The following PTPRU variants were observed in gnomAD, a reference collection of about 807,000 sequenced individuals.
PTPRU encodes the protein receptor-type tyrosine-protein phosphatase U.
In PTPRU, 69 loss-of-function variants were observed where a neutral mutation model predicts 166.3. That is an observed-to-expected ratio of 0.41 (90% confidence interval 0.34 to 0.51). The LOEUF (loss-of-function observed/expected upper bound fraction) is 0.51. PTPRU is among the 20% of genes least tolerant of loss of function. The probability of loss-of-function intolerance (pLI) is 0.09; values close to 1 mark genes in which losing one functional copy is unlikely to be tolerated. For synonymous variants in PTPRU, 793 were observed against 814.0 expected (o/e 0.97, Z 0.44); for missense variants, 1,657 against 2,013.7 (o/e 0.82, Z 3.39).
At chr1:29,259,200 C>A in intron 3 of PTPRU, 61 bp from the exon 4 acceptor site, 1 of 1,520,098 alleles carries the variant, frequency 6.6e-7, no homozygotes, top group Non-Finnish European at 9.0e-7. Flanking sequence ...TGAAAGTGGG[C>A]ACCTCCCCAG....
chr1:29,304,434 C>T (rs1687287365), intron 16 of PTPRU, among the ~76,000 whole-genome samples: 1 of 152,198 alleles, frequency 6.6e-6, no homozygotes, highest in Admixed American at 6.5e-5. Context: ...TCTGTCTGGA[C>T]TCTGACATCA....
In PTPRU at chr1:29,297,145, C is replaced by T. The variant is rs560969374; in HGVS notation, c.2476+5119C>T. On this transcript the variant is annotated intron_variant, in intron 15 of 29. Transcript: ENST00000373779. ...CCTGGCTCACTGCAACCCTCTGCCT[C>T]CCGGGTTCAAGTGATTCTCCTGCCT... Among the ~76,000 whole-genome samples, 3 of 150,308 alleles carry T rather than the reference C, an allele frequency of 2.0e-5. No homozygotes were observed. In the South Asian group the frequency reaches 6.3e-4, roughly 32 times the overall value.
Position 29,325,289 on chromosome 1 carries a change from C to T in PTPRU, c.4211C>T (p.Thr1404Ile). The part of the protein sequence containing the change: ...NLVDVFFAAK[T>I]LRNYKPNMVE... ...GTGGACGTTTTCTTTGCTGCCAAAACCCTCCGGAACTACAAACCCAACATG... is the reference window on the plus strand; with the variant it reads ...GTGGACGTTTTCTTTGCTGCCAAAATCCTCCGGAACTACAAACCCAACATG... The change falls in exon 29 of 30, where the codon ACC (threonine) becomes ATC (isoleucine). Residue 1404 changes from threonine (T) to isoleucine (I), a missense_variant. By Grantham distance (89) the Thr-to-Ile change is moderately conservative (BLOSUM62 -1). Around this residue, in one of 3 missense-constraint regions of PTPRU, gnomAD observed 1,190 missense variants for 1,477.4 expected, o/e 0.81. Transcript: ENST00000373779. The T allele has an allele frequency of 1.2e-6, 2 of 1,614,196 alleles. No homozygotes were observed. Among genetic ancestry groups the T allele is most frequent in the South Asian group, 1.1e-5 (1 of 91,086 alleles).
intron 15 of PTPRU, among the ~76,000 whole-genome samples, chr1:29,293,372 G>A (rs988900726): frequency 1.3e-5 from 2 of 152,068 alleles, no homozygotes; most frequent in African/African-American, 2.4e-5. Context: ...TGATCTGTCC[G>A]CCTCAGCCTC....
chr1:29,279,379 G>A lies in PTPRU; in HGVS notation c.1564-77G>A, dbSNP rs2151952601. 6.8e-7 allele frequency: 1 copy of A among 1,470,188 alleles called. No individual in the cohort carries two copies. The highest frequency in any genetic ancestry group is 9.5e-7 in the Non-Finnish European group (1 of 1,052,306). The allele number at this position is 1,470,188 out of a possible 1,614,324, so 91.1% of individuals were successfully genotyped here. A position where few individuals can be genotyped will look rare whatever the true frequency, so the allele number is the denominator to read the frequency against. The stretch of plus-strand genomic sequence containing the variant: ...TTAGCCTTATCTCTCACTTCCCTGG[G>A]ACATGGTGGGTGGAGGCTGCTGGTC... On this transcript the variant is annotated intron_variant, in intron 9 of 29. Coordinates refer to ENST00000373779, the MANE Select transcript of PTPRU (RefSeq NM_133178.4). This position sits in a 1 kb window ranked among gnomAD's most constrained non-coding sequence, Gnocchi z 5.2.
chr1:29,292,882 C>T (rs1257518327), intron 15 of PTPRU, among the ~76,000 whole-genome samples: 1 of 146,308 alleles, frequency 6.8e-6, no homozygotes, highest in Non-Finnish European at 1.5e-5. Context: ...GTGGCATGAT[C>T]TCGGCTCACT....
rs892231562 is a variant in PTPRU at position 29,323,206 on chromosome 1, C to G, written c.3829-165C>G. On this transcript the variant is annotated intron_variant, in intron 26 of 29. Transcript: ENST00000373779. ...GGTGGGCCTTGCAGCCTGTGGGCAA[C>G]TGGTGGTGATTGGGGGAGCTGCTGA... 7.6e-5 allele frequency: 68 copies of G among 896,256 alleles called. 1 individual carries two copies. The Admixed American group carries it at 1.3e-3, about 18-fold the overall frequency. The allele number at this position is 896,256 out of a possible 1,614,324, so 55.5% of individuals were successfully genotyped here. A position where few individuals can be genotyped will look rare whatever the true frequency, so the allele number is the denominator to read the frequency against.
intron 8 of PTPRU, among the ~76,000 whole-genome samples, chr1:29,277,803 C>CTTTT (rs71586898): frequency 0.015 from 757 of 50,582 alleles, 157 homozygotes; most frequent in Non-Finnish European, 0.016. Context: ...AGTTGTCATT[C>CTTTT]TTTTTTTTTT....
At position 29,312,650 on chromosome 1, in the gene PTPRU, C is replaced by A. The variant is rs773671335; in HGVS notation, c.3171C>A (p.Ile1057=). The part of the protein sequence containing the change: ...PYHATGLLAF[I]RRVKASTPPD... ...ATGCCACGGGGCTGCTGGCTTTCAT[C>A]CGGCGCGTGAAGGCCTCCACCCCAC... Residue 1057 remains isoleucine, a synonymous_variant, in exon 22 of 30, where the codon ATC becomes ATA. Coordinates refer to ENST00000373779, the MANE Select transcript of PTPRU (RefSeq NM_133178.4). 6.2e-7 allele frequency: 1 copy of A among 1,611,964 alleles called. No individual in the cohort carries two copies. Among genetic ancestry groups the A allele is most frequent in the East Asian group, 2.2e-5 (1 of 44,834 alleles).
chr1:29,259,283 C>T lies in PTPRU; in HGVS notation c.500C>T (p.Ser167Phe), dbSNP rs1410496436. 1.2e-6 allele frequency: 2 copies of T among 1,613,916 alleles called. No homozygotes were observed. The highest frequency in any genetic ancestry group is 1.7e-6 in the Non-Finnish European group (2 of 1,179,946). The change falls in exon 4 of 30, where the codon TCC (serine) becomes TTC (phenylalanine). Residue 167 changes from serine to phenylalanine, a missense_variant. This residue lies in a region of PTPRU where 453 missense variants were observed against 496.9 expected (regional missense o/e 0.91). Coordinates refer to ENST00000373779, the MANE Select transcript of PTPRU (RefSeq NM_133178.4). ...CAGGTGCTGTTTGAGGCCCTCATCTCCCCAGACCGCAGGGGCTACATGGGC... is the reference window on the plus strand; with the variant it reads ...CAGGTGCTGTTTGAGGCCCTCATCTTCCCAGACCGCAGGGGCTACATGGGC... The part of the protein sequence containing the change: ...EYQVLFEALI[S>F]PDRRGYMGLD...
intron 3 of PTPRU, 92 bp from the exon 4 acceptor site, chr1:29,259,169 C>T: frequency 3.0e-6 from 4 of 1,347,168 alleles, no homozygotes; most frequent in Non-Finnish European, 3.1e-6. Context: ...CTAGTTGAGG[C>T]AGAGGAGGCT....
chr1:29,311,417 C>T lies in PTPRU; in HGVS notation c.2858-39C>T, dbSNP rs747519151. ...GGATGTGCTGACCTGGGGTGGAGAC[C>T]TTGTCTCAGGGACAGGCACCCTCTG... is the stretch of plus-strand genomic sequence containing the variant. On this transcript the variant is annotated intron_variant, in intron 19 of 29. Transcript: ENST00000373779. The surrounding 1 kb of genome is among the most constrained non-coding windows in gnomAD (Gnocchi z 4.1). 6.2e-7 allele frequency: 1 copy of T among 1,603,890 alleles called. No homozygotes were observed. The highest frequency in any genetic ancestry group is 2.2e-5 in the East Asian group (1 of 44,804).
At position 29,291,328 on chromosome 1, in the gene PTPRU, G is replaced by A. The variant is rs1395433256; in HGVS notation, c.2319-541G>A. 1.3e-5 allele frequency among the ~76,000 whole-genome samples: 2 copies of A among 152,160 alleles called. No homozygotes were observed. Among genetic ancestry groups the A allele is most frequent in the Admixed American group, 6.5e-5 (1 of 15,286 alleles). On this transcript the variant is annotated intron_variant, in intron 14 of 29. Transcript: ENST00000373779. This position sits in a 1 kb window ranked among gnomAD's most constrained non-coding sequence, Gnocchi z 4.1. ...CATTCTGTGCGTGGGGGAAGCCCCC[G>A]AGCTCTGGCTGAGCACAAGCTAGAC...
At chr1:29,303,832 C>CT (rs1231613991) in intron 15 of PTPRU, 23 bp from the exon 16 acceptor site, 2 of 1,586,574 alleles carry the variant, frequency 1.3e-6, no homozygotes, top group Non-Finnish European at 1.7e-6. Context: ...GTCAAGAACC[C>CT]TTTTGTCTTT....
intron 18 of PTPRU, among the ~76,000 whole-genome samples, chr1:29,307,824 G>A (rs1687465972): frequency 7.1e-6 from 1 of 140,090 alleles, no homozygotes; most frequent in African/African-American, 2.6e-5. Flanking sequence ...GCAGTGGCAC[G>A]ATCTCGGCTC....
rs2151952642 is a variant in PTPRU, at chr1:29,279,455, G to T, written c.1564-1G>T. ...CACCTGCCTGCCAATCCTGCCCCCAGATCAGCTACCAGAGCATCGAGTCAT... is the reference window on the plus strand; with the variant it reads ...CACCTGCCTGCCAATCCTGCCCCCATATCAGCTACCAGAGCATCGAGTCAT... On this transcript the variant is annotated splice_acceptor_variant, in intron 9 of 29. Coordinates refer to ENST00000373779, the MANE Select transcript of PTPRU (RefSeq NM_133178.4). LOFTEE classifies it high-confidence loss of function. The surrounding 1 kb of genome is among the most constrained non-coding windows in gnomAD (Gnocchi z 5.2). 6.2e-7 allele frequency: 1 copy of T among 1,614,008 alleles called. No individual in the cohort carries two copies. Among genetic ancestry groups the T allele is most frequent in the African/African-American group, 1.3e-5 (1 of 75,042 alleles).
intron 7 of PTPRU, among the ~76,000 whole-genome samples, chr1:29,263,920 T>C (rs959340875): frequency 2.0e-5 from 3 of 152,166 alleles, no homozygotes; most frequent in African/African-American, 7.2e-5. Flanking sequence ...CTCATGCCTG[T>C]AATCCCAGCA....
rs1314082439 is a variant in PTPRU, at chr1:29,315,647, C to T, written c.3363+140C>T. The T allele has an allele frequency of 7.1e-6, 9 of 1,260,494 alleles. No individual in the cohort carries two copies. The highest frequency in any genetic ancestry group is 4.0e-5 in the South Asian group (3 of 74,398). 78.1% of individuals were successfully genotyped at this position (1,260,494 alleles called of 1,614,324 possible). ...CCTCAGATCATCCCTGACCTTGGGC[C>T]GCCAACTGCATAGGGTCATCCTGAA... On this transcript the variant is annotated intron_variant, in intron 23 of 29. Coordinates refer to ENST00000373779, the MANE Select transcript of PTPRU (RefSeq NM_133178.4). This position sits in a 1 kb window ranked among gnomAD's most constrained non-coding sequence, Gnocchi z 4.5.
chr1:29,266,345 A>C (rs528225567), intron 7 of PTPRU, among the ~76,000 whole-genome samples: 1 of 152,210 alleles, frequency 6.6e-6, no homozygotes, highest in South Asian at 2.1e-4. Context: ...TTTACATTTA[A>C]GTTTATGATC....
Sources: allele counts gnomAD v4.1 joint callset (sites outside exome capture counted in the v4.1 genomes callset), GRCh38; gene constraint gnomAD v4.1.1; regional missense constraint gnomAD v4.1.1; non-coding constraint Gnocchi (gnomAD v3.1); transcripts MANE v1.5; gene names NCBI Gene and HGNC (gene_info 2026-07-23, HGNC 2026-07-21).